Variants in ROBO1 observed in about 807,000 individuals in gnomAD.
The protein encoded by ROBO1 is roundabout homolog 1.
A neutral mutation model predicts 195.9 loss-of-function variants in ROBO1; 149 were observed. That is an observed-to-expected ratio of 0.76 (90% confidence interval 0.67 to 0.87). The LOEUF is 0.87. Ranked by LOEUF, ROBO1 falls within the 40% of genes least tolerant of loss-of-function variation. The probability of loss-of-function intolerance (pLI) is 0.00; values close to 1 mark genes in which losing one functional copy is unlikely to be tolerated. For missense variants in ROBO1, 1,933 were observed against 2,068.3 expected, an observed-to-expected ratio of 0.93 and a Z score of 1.27; for synonymous variants, 816 against 733.2, an observed-to-expected ratio of 1.11 and a Z score of -1.82.
intron 10 of ROBO1, chr3:78,670,508 T>A (rs1708006254): frequency 5.4e-6 from 3 of 553,332 alleles, no homozygotes. Context: ...TACTTTCAAA[T>A]GACCAGCCAC....
At chr3:78,845,977 T>C (rs534679294) in intron 4 of ROBO1, among the ~76,000 whole-genome samples, 1 of 152,292 alleles carries the variant, frequency 6.6e-6, no homozygotes, top group African/African-American at 2.4e-5. Flanking sequence ...TTGGAGACTC[T>C]GAAACATTGA....
At chr3:78,780,400 T>C (rs1363843771) in intron 4 of ROBO1, among the ~76,000 whole-genome samples, 1 of 152,086 alleles carries the variant, frequency 6.6e-6, no homozygotes, top group Non-Finnish European at 1.5e-5. Flanking sequence ...TAATCTGGGC[T>C]CAGTTAGAGC....
intron 1 of ROBO1, among the ~76,000 whole-genome samples, chr3:79,712,980 G>A (rs917356691): frequency 3.9e-5 from 6 of 151,950 alleles, no homozygotes; most frequent in African/African-American, 1.2e-4. Context: ...ACAACATGCA[G>A]GTTTGTTACA....
intron 2 of ROBO1, among the ~76,000 whole-genome samples, chr3:79,276,774 A>T (rs1284889256): frequency 1.3e-5 from 2 of 152,010 alleles, no homozygotes; most frequent in African/African-American, 4.8e-5. Context: ...TCAGGGAAAA[A>T]ATCCTAATAA....
intron 2 of ROBO1, among the ~76,000 whole-genome samples, chr3:79,151,937 C>G (rs531900486): frequency 1.6e-4 from 25 of 151,804 alleles, no homozygotes; most frequent in Non-Finnish European, 3.2e-4. Context: ...ATGATGACAG[C>G]CTTGGTCCCT....
In ROBO1 at chr3:79,470,096, A is replaced by T. The variant is rs368014518; in HGVS notation, c.88+119728T>A. On this transcript the variant is annotated intron_variant, in intron 2 of 30. Transcript: ENST00000464233. The stretch of plus-strand genomic sequence containing the variant: ...ATGTATACTAAATCGTGCTGCTATA[A>T]AGACACATGAACATGTATGTTTATT... Among the ~76,000 whole-genome samples, 87 of 152,306 alleles carry T rather than the reference A, an allele frequency of 5.7e-4. No individual in the cohort carries two copies. In the South Asian group the frequency reaches 0.016, roughly 27 times the overall value.
At chr3:79,744,550 C>A (rs1400729445) in intron 1 of ROBO1, among the ~76,000 whole-genome samples, 5 of 152,104 alleles carry the variant, frequency 3.3e-5, no homozygotes, top group South Asian at 2.1e-4. Context: ...TCTCTTTCTA[C>A]ATGATGTGAG....
At chr3:79,317,382 A>T (rs1018261318) in intron 2 of ROBO1, among the ~76,000 whole-genome samples, 3 of 150,888 alleles carry the variant, frequency 2.0e-5, no homozygotes, top group Admixed American at 6.6e-5. Flanking sequence ...TTTTGTAGTA[A>T]TCTCTTTGCT....
intron 4 of ROBO1, among the ~76,000 whole-genome samples, chr3:78,888,507 G>A (rs771695690): frequency 7.9e-5 from 12 of 152,186 alleles, no homozygotes; most frequent in East Asian, 1.9e-4. Context: ...TTTCTTGCTC[G>A]AAATACACAC....
chr3:78,943,962 A>G (rs770284772), intron 3 of ROBO1, among the ~76,000 whole-genome samples: 1 of 152,244 alleles, frequency 6.6e-6, no homozygotes, highest in Non-Finnish European at 1.5e-5. Context: ...ATAAATGGTA[A>G]TCATCATCTT....
intron 1 of ROBO1, among the ~76,000 whole-genome samples, chr3:79,692,984 G>C (rs369050653): frequency 6.6e-6 from 1 of 151,712 alleles, no homozygotes; most frequent in East Asian, 1.9e-4. Flanking sequence ...TATAACAAAT[G>C]TGTTTTGACT....
intron 4 of ROBO1, among the ~76,000 whole-genome samples, chr3:78,752,378 T>C (rs1206507390): frequency 1.3e-5 from 2 of 152,154 alleles, no homozygotes; most frequent in Admixed American, 1.3e-4. Context: ...ATGTAAAATG[T>C]TGACGTCTGT....
chr3:79,687,592 T>G (rs1383011881), intron 1 of ROBO1, among the ~76,000 whole-genome samples: 2 of 152,094 alleles, frequency 1.3e-5, no homozygotes, highest in Non-Finnish European at 2.9e-5. Flanking sequence ...AAGAAGACAT[T>G]TATGCATCCA....
chr3:79,674,768 T>TA (rs923229480), intron 1 of ROBO1, among the ~76,000 whole-genome samples: 12 of 151,530 alleles, frequency 7.9e-5, no homozygotes, highest in East Asian at 2.0e-4. Context: ...TCTGAAATTG[T>TA]AAAAAAAATA....
Position 78,776,401 on chromosome 3 carries a change from G to A in ROBO1, c.500-29501C>T, listed in dbSNP as rs373122071. 2.6e-4 allele frequency among the ~76,000 whole-genome samples: 39 copies of A among 152,094 alleles called. 1 individual carries two copies. Among genetic ancestry groups the A allele is most frequent in the African/African-American group, 6.3e-4 (26 of 41,432 alleles). The stretch of plus-strand genomic sequence containing the variant: ...CAAGTAGCTAGAATTACAGGCAAGC[G>A]CCACCACACCCAGCTAATTGTGTAG... On this transcript the variant is annotated intron_variant, in intron 4 of 30. Transcript: ENST00000464233.
chr3:79,288,924 CT>C (rs538854230), intron 2 of ROBO1, among the ~76,000 whole-genome samples: 1 of 152,026 alleles, frequency 6.6e-6, no homozygotes, highest in African/African-American at 2.4e-5. Context: ...ATTTAGCGGT[CT>C]TTTTTTCACA....
chr3:79,416,344 G>A (rs1427035427), intron 2 of ROBO1, among the ~76,000 whole-genome samples: 1 of 151,694 alleles, frequency 6.6e-6, no homozygotes, highest in Admixed American at 6.6e-5. Flanking sequence ...TATGTCGCAT[G>A]CCTGTAATCC....
At chr3:79,287,795 G>A (rs2031982031) in intron 2 of ROBO1, among the ~76,000 whole-genome samples, 1 of 152,100 alleles carries the variant, frequency 6.6e-6, no homozygotes, top group African/African-American at 2.4e-5. Flanking sequence ...ACTAATACTT[G>A]ATTTTGATAC....
At chr3:79,094,895 C>G (rs2079540709) in intron 3 of ROBO1, among the ~76,000 whole-genome samples, 1 of 143,326 alleles carries the variant, frequency 7.0e-6, no homozygotes, top group African/African-American at 2.6e-5. Flanking sequence ...TTCCCCTCAC[C>G]CTTCCTTCCC....
Sources: allele counts gnomAD v4.1 joint callset (sites outside exome capture counted in the v4.1 genomes callset), GRCh38; gene constraint gnomAD v4.1.1; transcripts MANE v1.5; gene names NCBI Gene and HGNC (gene_info 2026-07-23, HGNC 2026-07-21).